The following TCERG1 variants were observed in gnomAD, a reference collection of about 807,000 sequenced individuals.
TCERG1 encodes the protein TATA box binding protein (TBP)-associated factor, RNA polymerase II, S, 150kD.
TCERG1 carries 37 observed loss-of-function variants against 144.7 expected under a neutral mutation model. The observed-to-expected ratio is 0.26, with a 90% CI of 0.20 to 0.34. TCERG1 has a LOEUF of 0.34. Ranked by LOEUF, TCERG1 falls within the 10% of genes least tolerant of loss-of-function variation. The pLI, the probability that TCERG1 is intolerant of heterozygous loss-of-function variation, is 1.00. For missense variants in TCERG1, 1,027 were observed against 1,380.7 expected (o/e 0.74, Z 4.06); for synonymous variants, 492 against 458.2 (o/e 1.07, Z -0.94).
chr5:146,454,138 T>G (rs1018862827), intron 1 of TCERG1, among the ~76,000 whole-genome samples: 6 of 151,076 alleles, frequency 4.0e-5, no homozygotes, highest in Admixed American at 3.3e-4. Flanking sequence ...GAGGCGGAGG[T>G]TGCAGTGAGC....
At chr5:146,472,133 C>A (rs942144151) in intron 9 of TCERG1, among the ~76,000 whole-genome samples, 23 of 152,130 alleles carry the variant, frequency 1.5e-4, no homozygotes, top group Admixed American at 1.2e-3. Flanking sequence ...GATCCTGAAT[C>A]TACTTTTTGT....
intron 16 of TCERG1, 36 bp downstream of exon 16, chr5:146,493,074 T>C: frequency 2.2e-6 from 3 of 1,378,750 alleles, no homozygotes; most frequent in Non-Finnish European, 3.0e-6. Flanking sequence ...TCAAAGTGTA[T>C]TTATTTTCTC....
At chr5:146,503,710 T>A (rs1393987390) in intron 18 of TCERG1, 114 bp from the exon 19 acceptor site, 3 of 1,382,190 alleles carry the variant, frequency 2.2e-6, no homozygotes, top group Non-Finnish European at 2.9e-6. Context: ...AGTGTTTAGG[T>A]ATATTCTGGG....
At chr5:146,492,426 G>A (rs556370855) in intron 15 of TCERG1, among the ~76,000 whole-genome samples, 36 of 152,282 alleles carry the variant, frequency 2.4e-4, no homozygotes, top group African/African-American at 8.4e-4. Flanking sequence ...TGTGAAGTAG[G>A]TGGTAAATAG....
At chr5:146,498,446 T>A in intron 16 of TCERG1, 90 bp from the exon 17 acceptor site, 1 of 1,391,622 alleles carries the variant, frequency 7.2e-7, no homozygotes. Flanking sequence ...CTTTGTCATA[T>A]ACTCTTGTTG....
rs1765046141 is a variant in TCERG1, at chr5:146,478,404, A to G, written c.1602-89A>G. 3.0e-6 allele frequency: 4 copies of G among 1,341,970 alleles called. No homozygotes were observed. In the South Asian group the frequency reaches 6.1e-5, roughly 20 times the overall value. 83.1% of individuals were successfully genotyped at this position (1,341,970 alleles called of 1,614,324 possible). ...GAACATGTCGTTCTTCAGTACCCTCATCTCCCTACTTGTAACAGGCTGAAA... is the reference window on the plus strand; with the variant it reads ...GAACATGTCGTTCTTCAGTACCCTCGTCTCCCTACTTGTAACAGGCTGAAA... On this transcript the variant is annotated intron_variant, in intron 9 of 22. Transcript: ENST00000679501.
chr5:146,510,653 T>G lies in TCERG1; in HGVS notation c.*11T>G, dbSNP rs1363488427. On this transcript the variant is annotated 3_prime_UTR_variant, in exon 23 of 23. Coordinates refer to ENST00000679501, the MANE Select transcript of TCERG1 (RefSeq NM_001382548.1). ...CGATCAACAAAATAATTCTAAATAC[T>G]CTTCCATAGGGGCATCTATTCAAAA... 1.2e-6 allele frequency: 2 copies of G among 1,609,598 alleles called. No homozygotes were observed. The highest frequency in any genetic ancestry group is 3.4e-5 in the Admixed American group (2 of 59,076).
At chr5:146,491,804 A>G (rs184211670) in intron 15 of TCERG1, among the ~76,000 whole-genome samples, 107 of 152,298 alleles carry the variant, frequency 7.0e-4, no homozygotes, top group Non-Finnish European at 1.3e-3. Flanking sequence ...TATGGTCTCT[A>G]TTGTAACTTT....
At chr5:146,503,332 A>G in intron 17 of TCERG1, 43 bp from the exon 18 acceptor site, 1 of 1,575,720 alleles carries the variant, frequency 6.3e-7, no homozygotes, top group Non-Finnish European at 8.7e-7. Flanking sequence ...TTCTCATGGT[A>G]CATTATTTTC....
intron 15 of TCERG1, among the ~76,000 whole-genome samples, chr5:146,486,193 T>A (rs1372976517): frequency 6.6e-6 from 1 of 152,270 alleles, no homozygotes; most frequent in Non-Finnish European, 1.5e-5. Context: ...AATTTCATAT[T>A]TGCAGTTTGT....
At chr5:146,476,535 T>G (rs1265838897) in intron 9 of TCERG1, among the ~76,000 whole-genome samples, 1 of 151,936 alleles carries the variant, frequency 6.6e-6, no homozygotes, top group Non-Finnish European at 1.5e-5. Flanking sequence ...TTCCACTGAC[T>G]GTTACACAGG....
intron 8 of TCERG1, 142 bp from the exon 9 acceptor site, chr5:146,471,346 C>A: frequency 2.8e-6 from 2 of 704,800 alleles, no homozygotes; most frequent in Non-Finnish European, 4.6e-6. Context: ...GGATTTAGAA[C>A]TTTCTTCCTA....
chr5:146,497,976 C>T (rs891398244), intron 16 of TCERG1, among the ~76,000 whole-genome samples: 9 of 152,270 alleles, frequency 5.9e-5, no homozygotes, highest in African/African-American at 2.2e-4. Flanking sequence ...TTGTAGATTC[C>T]TCTTCACCCA....
At position 146,450,418 on chromosome 5, in the gene TCERG1, A is replaced by C. The variant is rs949059120; in HGVS notation, c.59+3010A>C. 3.3e-5 allele frequency among the ~76,000 whole-genome samples: 5 copies of C among 152,240 alleles called. 1 individual carries two copies. The highest frequency in any genetic ancestry group is 1.2e-4 in the African/African-American group (5 of 41,468). On this transcript the variant is annotated intron_variant, in intron 1 of 22. Coordinates refer to ENST00000679501, the MANE Select transcript of TCERG1 (RefSeq NM_001382548.1). ...AAAGACTAGAATTTGTGGAAAGGTT[A>C]ATGTGGGCCAGGTTATACAGGGCCT...
intron 1 of TCERG1, among the ~76,000 whole-genome samples, chr5:146,452,479 A>G (rs1477201491): frequency 6.6e-6 from 1 of 152,190 alleles, no homozygotes; most frequent in Non-Finnish European, 1.5e-5. Context: ...TACTAATACT[A>G]ATATTTATTG....
At chr5:146,509,575 A>G (rs1581593444) in intron 22 of TCERG1, among the ~76,000 whole-genome samples, 1 of 152,120 alleles carries the variant, frequency 6.6e-6, no homozygotes, top group Non-Finnish European at 1.5e-5. Flanking sequence ...GACTTTTAAA[A>G]TAATCTTTCA....
At chr5:146,500,728 G>A (rs1767345440) in intron 17 of TCERG1, among the ~76,000 whole-genome samples, 1 of 152,082 alleles carries the variant, frequency 6.6e-6, no homozygotes, top group Non-Finnish European at 1.5e-5. Flanking sequence ...GCCTGTAAAA[G>A]TCTACTTATT....
intron 1 of TCERG1, among the ~76,000 whole-genome samples, chr5:146,449,698 A>G (rs1281555030): frequency 2.6e-5 from 4 of 152,156 alleles, no homozygotes; most frequent in Admixed American, 2.6e-4. Context: ...TGTTCCTTCT[A>G]TTCATGCAAG....
At chr5:146,481,689 G>A (rs1243875826) in intron 13 of TCERG1, 2 of 152,218 alleles carry the variant, frequency 1.3e-5, no homozygotes, top group South Asian at 2.1e-4. Context: ...AATATACTTA[G>A]CAGATCATAT....
Sources: gnomAD v4.1 joint callset for allele counts (sites outside exome capture counted in the v4.1 genomes callset) on GRCh38, gnomAD v4.1.1 for gene constraint, MANE v1.5 for transcripts, NCBI Gene and HGNC (gene_info 2026-07-23, HGNC 2026-07-21) for gene names.